The following EXTL3 variants were observed in gnomAD, a reference collection of about 807,000 sequenced individuals.
The protein encoded by EXTL3 is exostosin like glycosyltransferase 3.
In EXTL3, 27 loss-of-function variants were observed where a neutral mutation model predicts 69.3. The observed-to-expected ratio is 0.39, with a 90% CI of 0.29 to 0.54. The LOEUF (loss-of-function observed/expected upper bound fraction) is 0.54, where lower values mean the gene tolerates loss of function less well. Among genes scored for constraint, EXTL3 ranks in the 20% least tolerant of loss-of-function variants. The pLI is 0.69. For missense variants in EXTL3, 1,003 were observed against 1,231.8 expected (o/e 0.81, Z 2.78); for synonymous variants, 511 against 499.4 (o/e 1.02, Z -0.31).
chr8:28,730,851 C>G (rs1209943617), intron 3 of EXTL3, among the ~76,000 whole-genome samples: 1 of 152,160 alleles, frequency 6.6e-6, no homozygotes, highest in Non-Finnish European at 1.5e-5. Flanking sequence ...TTAAAATTAA[C>G]AAGCATGCTG....
chr8:28,745,070 G>A (rs1390539359), intron 6 of EXTL3, among the ~76,000 whole-genome samples: 2 of 152,020 alleles, frequency 1.3e-5, no homozygotes, highest in African/African-American at 4.8e-5. Flanking sequence ...AGTGGCACAT[G>A]CCTGGTAGTC....
chr8:28,619,313 A>AAAAAAAAAC (rs1806375263), upstream of EXTL3, among the ~76,000 whole-genome samples: 2 of 120,244 alleles, frequency 1.7e-5, no homozygotes, highest in Non-Finnish European at 1.7e-5. Flanking sequence ...AAAAAAAAAA[A>AAAAAAAAAC]AACCCTGTGT....
chr8:28,738,484 G>A (rs898472780), intron 5 of EXTL3, among the ~76,000 whole-genome samples: 3 of 152,108 alleles, frequency 2.0e-5, no homozygotes, highest in South Asian at 4.1e-4. Context: ...ACTTTTTAAC[G>A]ATGTAGCTTC....
chr8:28,717,640 T>C lies in EXTL3; in HGVS notation c.1581T>C (p.Phe527=). Residue 527 remains phenylalanine, a synonymous_variant, in exon 3 of 7, where the codon TTT becomes TTC. Transcript: ENST00000220562. The surrounding 1 kb of genome is among the most constrained non-coding windows in gnomAD (Gnocchi z 8.3). ...ACTTCTCCACTGCTGACAGTATTTT[T>C]AATACCGTGCTGGCTATGATTAGGA... is the stretch of plus-strand genomic sequence containing the variant. The part of the protein sequence containing the change: ...ETYFSTADSI[F]NTVLAMIRTR... 2 of 1,614,222 alleles carry C rather than the reference T, an allele frequency of 1.2e-6. No homozygotes were observed. Among genetic ancestry groups the C allele is most frequent in the Admixed American group, 3.3e-5 (2 of 60,034 alleles).
At chr8:28,693,148 A>AT (rs749978399) in intron 1 of EXTL3, among the ~76,000 whole-genome samples, 6,539 of 135,250 alleles carry the variant, frequency 0.048, 206 homozygotes, top group Non-Finnish European at 0.056. Context: ...CAGATAACAG[A>AT]TTTTTTTTTT....
rs1012192060 is a variant in EXTL3 at position 28,623,902 on chromosome 8, C to T, written c.-53+1092C>T. The stretch of plus-strand genomic sequence containing the variant: ...CAAGCTTGGTTTTAAAACGTTTCTG[C>T]CTCTGAGAAGGTTGAACTATTAATA... On this transcript the variant is annotated intron_variant, in intron 1 of 6. Coordinates refer to the EXTL3 transcript ENST00000523149. The surrounding 1 kb of genome is among the most constrained non-coding windows in gnomAD (Gnocchi z 4.2). Among the ~76,000 whole-genome samples the T allele has an allele frequency of 6.6e-6, 1 of 152,144 alleles. No individual in the cohort carries two copies. Among genetic ancestry groups the T allele is most frequent in the Non-Finnish European group, 1.5e-5 (1 of 68,026 alleles).
chr8:28,637,034 C>A (rs57810620), intron 1 of EXTL3, among the ~76,000 whole-genome samples: 1 of 145,684 alleles, frequency 6.9e-6, no homozygotes. Flanking sequence ...AGGGAGGGAG[C>A]GGGGAAGGGA....
At chr8:28,742,782 C>A in intron 5 of EXTL3, 2 of 336,532 alleles carry the variant, frequency 5.9e-6, no homozygotes, top group South Asian at 2.8e-5. Flanking sequence ...TTCAATTGAA[C>A]CAGCATCTGA....
chr8:28,721,295 T>C (rs1371877624), intron 3 of EXTL3, among the ~76,000 whole-genome samples: 1 of 152,238 alleles, frequency 6.6e-6, no homozygotes, highest in Non-Finnish European at 1.5e-5. Flanking sequence ...ATGCATGGCT[T>C]AGGGGTGGGC....
chr8:28,649,603 A>G (rs1806885833), intron 1 of EXTL3, among the ~76,000 whole-genome samples: 2 of 152,068 alleles, frequency 1.3e-5, no homozygotes, highest in South Asian at 4.1e-4. Flanking sequence ...TTATTTATAT[A>G]TTCTGGTTAC....
intron 1 of EXTL3, among the ~76,000 whole-genome samples, chr8:28,674,908 C>G (rs1219529656): frequency 6.6e-6 from 1 of 152,152 alleles, no homozygotes; most frequent in East Asian, 1.9e-4. Context: ...ATGGCCTCCC[C>G]TGAGGCAGGT....
At chr8:28,719,949 C>T (rs959751739) in intron 3 of EXTL3, among the ~76,000 whole-genome samples, 10 of 152,160 alleles carry the variant, frequency 6.6e-5, no homozygotes, top group South Asian at 2.1e-4. Flanking sequence ...GGCAGCCCAT[C>T]GCAATAATAC....
chr8:28,659,097 T>C (rs1404623067), intron 1 of EXTL3, among the ~76,000 whole-genome samples: 4 of 152,222 alleles, frequency 2.6e-5, no homozygotes, highest in Non-Finnish European at 4.4e-5. Context: ...GAGATACTCA[T>C]TTGTAATTCT....
intron 1 of EXTL3, among the ~76,000 whole-genome samples, chr8:28,670,475 G>A (rs541232452): frequency 6.6e-6 from 1 of 152,272 alleles, no homozygotes; most frequent in South Asian, 2.1e-4. Flanking sequence ...AGAAGGGCTG[G>A]TGATGTAAAT....
chr8:28,700,665 A>T (rs1052186668), upstream of EXTL3: 2 of 152,146 alleles, frequency 1.3e-5, no homozygotes, highest in African/African-American at 4.8e-5. Flanking sequence ...GGGTATTAAA[A>T]ACATTAAAAA....
upstream of EXTL3, among the ~76,000 whole-genome samples, chr8:28,617,993 G>A (rs192806247): frequency 9.2e-4 from 140 of 152,302 alleles, 4 homozygotes; most frequent in Non-Finnish European, 8.8e-5. Context: ...TAAGGGGAGA[G>A]GGGAGTGGAA....
In EXTL3 at chr8:28,716,644, G is replaced by C; in HGVS notation, c.585G>C (p.Pro195=). ...GTTGCCCTCTCACCTCTGGCTTCCC[G>C]GTCTACGTCTATGACAGTGACCAGT... The part of the protein sequence containing the change: ...YSRCPLTSGF[P]VYVYDSDQFV... The change falls in exon 3 of 7, where the codon CCG becomes CCC. Residue 195 remains proline (P), a synonymous_variant. Transcript: ENST00000220562. This position sits in a 1 kb window ranked among gnomAD's most constrained non-coding sequence, Gnocchi z 7.1. 2 of 1,614,184 alleles carry C rather than the reference G, an allele frequency of 1.2e-6. No homozygotes were observed. Among genetic ancestry groups the C allele is most frequent in the Non-Finnish European group, 1.7e-6 (2 of 1,180,032 alleles).
At chr8:28,642,018 G>A (rs985052949) in intron 1 of EXTL3, among the ~76,000 whole-genome samples, 3 of 151,800 alleles carry the variant, frequency 2.0e-5, no homozygotes, top group Admixed American at 2.0e-4. Flanking sequence ...TCTATTTTTA[G>A]TAGAGATGGG....
intron 1 of EXTL3, among the ~76,000 whole-genome samples, chr8:28,689,921 A>T (rs1264397430): frequency 2.0e-5 from 3 of 152,222 alleles, no homozygotes; most frequent in Non-Finnish European, 4.4e-5. Flanking sequence ...AGAAGAAAAA[A>T]GTCAGAGTAT....
Sources: gnomAD v4.1 joint callset for allele counts (sites outside exome capture counted in the v4.1 genomes callset) on GRCh38, gnomAD v4.1.1 for gene constraint, Gnocchi (gnomAD v3.1) non-coding constraint, MANE v1.5 for transcripts, NCBI Gene and HGNC (gene_info 2026-07-23, HGNC 2026-07-21) for gene names.